DENND4C: variants seen among roughly 807,000 people sequenced by gnomAD.
DENND4C encodes the protein DENN domain containing 4C, also known as DENN domain-containing protein 4C.
Under a neutral mutation model 203.0 loss-of-function variants are expected in DENND4C, and 108 were observed. The observed-to-expected ratio is 0.53, with a 90% confidence interval of 0.46 to 0.62. The LOEUF (loss-of-function observed/expected upper bound fraction) is 0.62, where lower values mean the gene tolerates loss of function less well. Ranked by LOEUF, DENND4C falls within the 20% of genes least tolerant of loss-of-function variation. The probability of loss-of-function intolerance (pLI) is 0.00; values close to 1 mark genes in which losing one functional copy is unlikely to be tolerated. For missense variants in DENND4C, 2,481 were observed against 2,301.2 expected, an observed-to-expected ratio of 1.08 and a Z score of -1.60; for synonymous variants, 871 against 792.4, an observed-to-expected ratio of 1.10 and a Z score of -1.67.
intron 1 of DENND4C, among the ~76,000 whole-genome samples, chr9:19,264,324 G>A (rs1160990215): frequency 1.3e-5 from 2 of 151,392 alleles, no homozygotes; most frequent in Admixed American, 1.3e-4. Context: ...TTTTGAGACG[G>A]AGTCTCACCC....
At chr9:19,315,583 A>G (rs1841674597) in intron 10 of DENND4C, among the ~76,000 whole-genome samples, 1 of 151,310 alleles carries the variant, frequency 6.6e-6, no homozygotes, top group Non-Finnish European at 1.5e-5. Context: ...ATACGTGTAC[A>G]TATATGTATG....
At chr9:19,274,654 T>G (rs1032493653) in intron 1 of DENND4C, among the ~76,000 whole-genome samples, 13 of 152,238 alleles carry the variant, frequency 8.5e-5, no homozygotes, top group African/African-American at 3.1e-4. Flanking sequence ...TTTCTTATGC[T>G]CTATCTGGTA....
intron 16 of DENND4C, among the ~76,000 whole-genome samples, chr9:19,329,934 T>C (rs1191189856): frequency 1.3e-5 from 2 of 152,250 alleles, no homozygotes; most frequent in Admixed American, 1.3e-4. Context: ...ACATCCTTTA[T>C]ACATACACTG....
intron 28 of DENND4C, among the ~76,000 whole-genome samples, chr9:19,359,483 A>T (rs1826024730): frequency 1.3e-5 from 2 of 151,870 alleles, no homozygotes; most frequent in Non-Finnish European, 2.9e-5. Context: ...AGTCCTTTTG[A>T]CACAACTCTA....
intron 10 of DENND4C, among the ~76,000 whole-genome samples, chr9:19,310,686 T>C (rs1436503850): frequency 6.6e-6 from 1 of 152,256 alleles, no homozygotes; most frequent in East Asian, 1.9e-4. Flanking sequence ...TAAATACTTT[T>C]TGTGATCTTC....
chr9:19,331,511 C>G (rs1157835650), intron 16 of DENND4C, among the ~76,000 whole-genome samples: 1 of 152,014 alleles, frequency 6.6e-6, no homozygotes, highest in Non-Finnish European at 1.5e-5. Context: ...AGAAACAGGT[C>G]TTTTTTAAGG....
intron 2 of DENND4C, among the ~76,000 whole-genome samples, chr9:19,278,653 G>A (rs1313538374): frequency 6.6e-6 from 1 of 152,126 alleles, no homozygotes; most frequent in Non-Finnish European, 1.5e-5. Flanking sequence ...TAAAACCAAA[G>A]GATGATTTGT....
rs1588982042 is a variant in DENND4C, at chr9:19,357,300, C to T, written c.4964+146C>T. ...TAACTTATTACCACATAGTGTTTAACGAGCTAATGAATGAATCTGATGATA... is the reference window on the plus strand; with the variant it reads ...TAACTTATTACCACATAGTGTTTAATGAGCTAATGAATGAATCTGATGATA... On this transcript the variant is annotated intron_variant, in intron 27 of 32. Transcript: ENST00000434457. The T allele has an allele frequency of 1.9e-5, 13 of 678,138 alleles. No individual in the cohort carries two copies. In the East Asian group the frequency reaches 2.9e-4, roughly 15 times the overall value. The allele number at this position is 678,138 out of a possible 1,614,324, so 42.0% of individuals were successfully genotyped here. A position where few individuals can be genotyped will look rare whatever the true frequency, so the allele number is the denominator to read the frequency against.
chr9:19,299,165 T>C, intron 7 of DENND4C, 64 bp from the exon 8 acceptor site: 1 of 1,272,618 alleles, frequency 7.9e-7, no homozygotes, highest in Non-Finnish European at 1.1e-6. Context: ...AAAGTAGTTT[T>C]GAAACTTATC....
intron 3 of DENND4C, 79 bp downstream of exon 3, chr9:19,287,100 GTA>G: frequency 8.7e-7 from 1 of 1,146,236 alleles, no homozygotes; most frequent in Non-Finnish European, 1.1e-6. Flanking sequence ...TTACTGTTGG[GTA>G]TATACTCACA....
intron 8 of DENND4C, among the ~76,000 whole-genome samples, chr9:19,299,880 C>T (rs1336560232): frequency 1.3e-5 from 2 of 152,164 alleles, no homozygotes; most frequent in Non-Finnish European, 2.9e-5. Flanking sequence ...ACAGCTTTTT[C>T]TTGCCCCAGG....
intron 22 of DENND4C, among the ~76,000 whole-genome samples, chr9:19,345,524 A>G (rs573174684): frequency 2.5e-4 from 38 of 152,358 alleles, no homozygotes; most frequent in East Asian, 5.8e-4. Flanking sequence ...TACAATTCCT[A>G]TAAGATTACA....
chr9:19,281,011 G>T (rs1281529648), intron 2 of DENND4C, among the ~76,000 whole-genome samples: 1 of 152,168 alleles, frequency 6.6e-6, no homozygotes, highest in African/African-American at 2.4e-5. Flanking sequence ...GAAGTGCTGG[G>T]ATTACAGGAG....
chr9:19,330,219 A>G (rs1357647018), intron 16 of DENND4C, among the ~76,000 whole-genome samples: 1 of 151,976 alleles, frequency 6.6e-6, no homozygotes, highest in Admixed American at 6.6e-5. Context: ...TTTTCAGGCT[A>G]ACTGGAAAAG....
chr9:19,328,340 A>G (rs1007501612), intron 16 of DENND4C, among the ~76,000 whole-genome samples, 178 bp downstream of exon 16: 2 of 152,238 alleles, frequency 1.3e-5, no homozygotes, highest in African/African-American at 4.8e-5. Context: ...TGGGCCAAGC[A>G]TGGTGGCTCA....
chr9:19,272,807 G>A (rs957914612), intron 1 of DENND4C, among the ~76,000 whole-genome samples: 2 of 151,320 alleles, frequency 1.3e-5, no homozygotes, highest in Non-Finnish European at 2.9e-5. Context: ...TTGCTCTCTC[G>A]CCCAGGTTGG....
intron 1 of DENND4C, among the ~76,000 whole-genome samples, chr9:19,237,878 A>T (rs1822423545): frequency 1.3e-5 from 2 of 152,198 alleles, no homozygotes; most frequent in Non-Finnish European, 2.9e-5. Context: ...ATTTCACTAC[A>T]TCCAAAATAT....
At position 19,355,539 on chromosome 9, in the gene DENND4C, C is replaced by G. The variant is rs534921718; in HGVS notation, c.4782-1433C>G. Among the ~76,000 whole-genome samples the G allele has an allele frequency of 3.3e-5, 5 of 152,306 alleles. No homozygotes were observed. In the South Asian group the frequency reaches 1.0e-3, roughly 32 times the overall value. On this transcript the variant is annotated intron_variant, in intron 26 of 32. Coordinates refer to ENST00000434457, the MANE Select transcript of DENND4C (RefSeq NM_001330640.2). ...TATCCCAATATTATCCACTAAATAA[C>G]CTATCCTTTGCTTACTGCTATATGG...
At chr9:19,278,615 GT>G (rs1435531173) in intron 2 of DENND4C, among the ~76,000 whole-genome samples, 1 of 152,132 alleles carries the variant, frequency 6.6e-6, no homozygotes, top group Non-Finnish European at 1.5e-5. Flanking sequence ...AGAGAAAAAA[GT>G]TTAAAAAGTC....
Sources: gnomAD v4.1 joint callset for allele counts (sites outside exome capture counted in the v4.1 genomes callset) on GRCh38, gnomAD v4.1.1 for gene constraint, MANE v1.5 for transcripts, NCBI Gene and HGNC (gene_info 2026-07-23, HGNC 2026-07-21) for gene names.